Variants in SSX2IP observed in about 807,000 individuals in gnomAD.
SSX2IP encodes the protein SSX family member 2 interacting protein, also known as afadin- and alpha-actinin-binding protein.
SSX2IP carries 55 observed loss-of-function variants against 84.9 expected under a neutral mutation model. That is an observed-to-expected ratio of 0.65 (90% confidence interval 0.52 to 0.81). The LOEUF (loss-of-function observed/expected upper bound fraction) is 0.81. Ranked by LOEUF, SSX2IP falls within the 30% of genes least tolerant of loss-of-function variation. SSX2IP has a pLI of 0.00. For missense variants in SSX2IP, 664 were observed against 705.2 expected, an observed-to-expected ratio of 0.94 and a Z score of 0.66; for synonymous variants, 239 against 234.7, an observed-to-expected ratio of 1.02 and a Z score of -0.17.
At chr1:84,658,096 A>G (rs902301160) in intron 9 of SSX2IP, 1 of 464,120 alleles carries the variant, frequency 2.2e-6, no homozygotes, top group African/African-American at 2.0e-5. Flanking sequence ...AGATGGCACC[A>G]CTACACTCTA....
At chr1:84,688,851 C>T (rs1049982730) in intron 1 of SSX2IP, among the ~76,000 whole-genome samples, 40 of 152,096 alleles carry the variant, frequency 2.6e-4, no homozygotes, top group African/African-American at 9.2e-4. Flanking sequence ...TTTTATCTTC[C>T]CTGTACAGTT....
At chr1:84,679,209 G>A (rs977896055) in intron 1 of SSX2IP, among the ~76,000 whole-genome samples, 1 of 152,078 alleles carries the variant, frequency 6.6e-6, no homozygotes, top group Non-Finnish European at 1.5e-5. Flanking sequence ...ATTTAAAACT[G>A]TAATACCACC....
chr1:84,672,411 A>T (rs1488030711), intron 1 of SSX2IP, among the ~76,000 whole-genome samples: 2 of 114,820 alleles, frequency 1.7e-5, no homozygotes, highest in South Asian at 2.9e-4. Context: ...GTAGCTAATT[A>T]AAAAAAAAAA....
At chr1:84,680,009 C>T (rs1003714033) in intron 1 of SSX2IP, among the ~76,000 whole-genome samples, 4 of 152,142 alleles carry the variant, frequency 2.6e-5, no homozygotes, top group African/African-American at 4.8e-5. Flanking sequence ...GCATCTCCTA[C>T]GACTACTCCT....
In SSX2IP at chr1:84,645,461, T is replaced by G. The variant is rs962398268; in HGVS notation, c.*1972A>C. ...AAGTACGTCTCAAGGAATCTTTCTTTCCAATTTGAGAACTCAACTCACTTT... is the reference window on the plus strand; with the variant it reads ...AAGTACGTCTCAAGGAATCTTTCTTGCCAATTTGAGAACTCAACTCACTTT... On this transcript the variant is annotated 3_prime_UTR_variant, in exon 14 of 14. Coordinates refer to ENST00000342203, the MANE Select transcript of SSX2IP (RefSeq NM_001166293.2). 5 of 152,180 alleles carry G rather than the reference T, an allele frequency of 3.3e-5. No homozygotes were observed. Among genetic ancestry groups the G allele is most frequent in the African/African-American group, 9.7e-5 (4 of 41,434 alleles). 9.4% of individuals were successfully genotyped at this position (152,180 alleles called of 1,614,324 possible).
chr1:84,669,579 C>A, intron 4 of SSX2IP, 102 bp downstream of exon 4: 1 of 1,007,678 alleles, frequency 9.9e-7, no homozygotes, highest in Non-Finnish European at 1.5e-6. Context: ...AAAGAAAACC[C>A]TAAAGCTTAA....
intron 10 of SSX2IP, 146 bp downstream of exon 10, chr1:84,656,202 A>T (rs1191658557): frequency 2.1e-6 from 2 of 932,526 alleles, no homozygotes; most frequent in African/African-American, 3.3e-5. Flanking sequence ...AAGGAGTGGT[A>T]CACAATGTAT....
chr1:84,652,370 C>T lies in SSX2IP; in HGVS notation c.1390-373G>A, dbSNP rs192245453. ...GCTGGGAAGTTGACGCTGAAGTGAG[C>T]CGAGATAGCACCACTGCACTCTAGC... On this transcript the variant is annotated intron_variant, in intron 11 of 13. Coordinates refer to ENST00000342203, the MANE Select transcript of SSX2IP (RefSeq NM_001166293.2). The T allele has an allele frequency of 1.7e-3, 270 of 155,906 alleles. 2 individuals are homozygous for T. Among genetic ancestry groups the T allele is most frequent in the African/African-American group, 6.9e-3 (256 of 36,842 alleles). 9.7% of individuals were successfully genotyped at this position (155,906 alleles called of 1,614,324 possible). A position where few individuals can be genotyped will look rare whatever the true frequency, so the allele number is the denominator to read the frequency against.
rs1057746 is a variant in SSX2IP, at chr1:84,647,546, A to C, written c.1732T>G (p.Cys578Gly). 8 of 1,612,890 alleles carry C rather than the reference A, an allele frequency of 5.0e-6. No individual in the cohort carries two copies. The highest frequency in any genetic ancestry group is 5.9e-6 in the Non-Finnish European group (7 of 1,179,442). ...EIKPNQVGGE[C>G]TNQKWSVASR... Reference sequence around the variant, plus strand: ...GCCACACTCCATTTTTGATTTGTACATTCTCCTCCAACCTGATTTGGTTTA... The same window carrying C: ...GCCACACTCCATTTTTGATTTGTACCTTCTCCTCCAACCTGATTTGGTTTA... Residue 578 changes from cysteine to glycine, a missense_variant, in exon 14 of 14, where the codon TGT becomes GGT. Coordinates refer to ENST00000342203, the MANE Select transcript of SSX2IP (RefSeq NM_001166293.2).
chr1:84,668,843 A>T (rs2102408021), intron 4 of SSX2IP, among the ~76,000 whole-genome samples: 1 of 152,248 alleles, frequency 6.6e-6, no homozygotes, highest in Middle Eastern at 3.4e-3. Context: ...GGACCAACAG[A>T]TGAAAAACTA....
intron 4 of SSX2IP, among the ~76,000 whole-genome samples, chr1:84,667,842 C>A (rs1353144701): frequency 6.6e-6 from 1 of 152,132 alleles, no homozygotes; most frequent in Non-Finnish European, 1.5e-5. Context: ...TCCATGAAGC[C>A]TTCCCTTGCG....
chr1:84,674,313 C>T (rs937232958), intron 1 of SSX2IP, among the ~76,000 whole-genome samples: 3 of 152,112 alleles, frequency 2.0e-5, no homozygotes, highest in African/African-American at 7.2e-5. Context: ...TATCTAGACA[C>T]AGGGCTATTT....
intron 6 of SSX2IP, among the ~76,000 whole-genome samples, chr1:84,664,129 C>T (rs1386169985): frequency 6.6e-6 from 1 of 152,098 alleles, no homozygotes; most frequent in Non-Finnish European, 1.5e-5. Flanking sequence ...ATTATCAGTT[C>T]TTTGCTATGG....
chr1:84,684,170 G>A (rs1196869446), intron 1 of SSX2IP, among the ~76,000 whole-genome samples: 2 of 152,204 alleles, frequency 1.3e-5, no homozygotes, highest in South Asian at 2.1e-4. Context: ...AGTTGTCAAC[G>A]TGTGGTCCTG....
At chr1:84,652,436 A>G (rs1417485222) in intron 11 of SSX2IP, 1 of 152,656 alleles carries the variant, frequency 6.6e-6, no homozygotes, top group Non-Finnish European at 1.5e-5. Context: ...AAAAAAAAAA[A>G]AAAAAAAAAA....
intron 1 of SSX2IP, among the ~76,000 whole-genome samples, chr1:84,674,035 T>C (rs907946369): frequency 4.6e-5 from 7 of 152,208 alleles, no homozygotes; most frequent in African/African-American, 1.2e-4. Context: ...CTGATTTTAC[T>C]TCTAGCTTTC....
At chr1:84,683,718 T>C (rs1655397389) in intron 1 of SSX2IP, among the ~76,000 whole-genome samples, 1 of 152,232 alleles carries the variant, frequency 6.6e-6, no homozygotes. Context: ...GCTGCTGTTT[T>C]AGTATGATAG....
chr1:84,661,487 TTGCC>T (rs1651973166), intron 8 of SSX2IP, among the ~76,000 whole-genome samples: 2 of 152,166 alleles, frequency 1.3e-5, no homozygotes, highest in Non-Finnish European at 2.9e-5. Context: ...GATGCCTTGA[TTGCC>T]ATAACTATTC....
intron 5 of SSX2IP, 73 bp from the exon 6 acceptor site, chr1:84,664,625 T>G (rs901867990): frequency 6.8e-6 from 9 of 1,326,724 alleles, no homozygotes; most frequent in Non-Finnish European, 9.0e-6. Flanking sequence ...CTAAAATTCA[T>G]CTCCCCATAT....
Sources: gnomAD v4.1 joint callset for allele counts (sites outside exome capture counted in the v4.1 genomes callset) on GRCh38, gnomAD v4.1.1 for gene constraint, MANE v1.5 for transcripts, NCBI Gene and HGNC (gene_info 2026-07-23, HGNC 2026-07-21) for gene names.